The following GRAMD4 variants were observed in gnomAD, a reference collection of about 807,000 sequenced individuals.
GRAMD4 encodes the protein GRAM domain-containing protein 4.
GRAMD4 carries 25 observed loss-of-function variants against 83.9 expected under a neutral mutation model. The observed-to-expected ratio is 0.30, with a 90% CI of 0.22 to 0.42. GRAMD4 has a LOEUF of 0.42. Ranked by LOEUF, GRAMD4 falls within the 10% of genes least tolerant of loss-of-function variation. GRAMD4 has a pLI of 1.00. For synonymous variants in GRAMD4, 336 were observed against 320.9 expected (o/e 1.05, Z -0.50); for missense variants, 593 against 788.7 (o/e 0.75, Z 2.97).
intron 1 of GRAMD4, among the ~76,000 whole-genome samples, chr22:46,593,246 C>T (rs1301876507): frequency 6.6e-6 from 1 of 152,080 alleles, no homozygotes; most frequent in African/African-American, 2.4e-5. Context: ...GATGAACCAT[C>T]ACGGGATTCT....
At chr22:46,587,734 C>T (rs912716496) in intron 1 of GRAMD4, among the ~76,000 whole-genome samples, 3 of 152,030 alleles carry the variant, frequency 2.0e-5, no homozygotes, top group African/African-American at 7.2e-5. Context: ...GAGGCACTGG[C>T]CCGAGGTAGG....
intron 3 of GRAMD4, among the ~76,000 whole-genome samples, chr22:46,645,854 G>A (rs992346955): frequency 2.6e-5 from 4 of 152,196 alleles, no homozygotes; most frequent in African/African-American, 4.8e-5. Flanking sequence ...TTTTGAGCGC[G>A]GTTGCCGTGC....
At chr22:46,587,754 G>A (rs1047053269) in intron 1 of GRAMD4, among the ~76,000 whole-genome samples, 1 of 152,078 alleles carries the variant, frequency 6.6e-6, no homozygotes, top group Non-Finnish European at 1.5e-5. Context: ...GGTTGAAACA[G>A]GTGGAACTGA....
Position 46,637,945 on chromosome 22 carries a change from G to A in GRAMD4, c.268G>A (p.Glu90Lys). The A allele has an allele frequency of 6.2e-7, 1 of 1,613,942 alleles. No homozygotes were observed. The highest frequency in any genetic ancestry group is 1.1e-5 in the South Asian group (1 of 91,076). ...AGGTCACCTGGAAATTGCCTTATTGGAAAAACATTTCTTACGTGAGTACCA... is the reference window on the plus strand; with the variant it reads ...AGGTCACCTGGAAATTGCCTTATTGAAAAAACATTTCTTACGTGAGTACCA... ...IKGHLEIALL[E>K]KHFLQEELRK... Residue 90 changes from glutamate (E) to lysine (K), a missense_variant, in exon 3 of 19, where the codon GAA becomes AAA. Transcript: ENST00000406902.
rs575449026 is a variant in GRAMD4, at chr22:46,637,666, C to T, written c.163-174C>T. 1.7e-3 allele frequency among the ~76,000 whole-genome samples: 266 copies of T among 152,310 alleles called. 1 individual carries two copies. The highest frequency in any genetic ancestry group is 2.7e-3 in the Non-Finnish European group (183 of 68,022). ...GACACGGGTCTTATGCTGGGGGCTC[C>T]GTCGCCCCATCTGACTGCTGCGTCG... On this transcript the variant is annotated intron_variant, in intron 2 of 18. Coordinates refer to ENST00000406902, the MANE Select transcript of GRAMD4 (RefSeq NM_015124.5).
At chr22:46,631,994 A>G (rs1160290712) in intron 2 of GRAMD4, among the ~76,000 whole-genome samples, 2 of 151,906 alleles carry the variant, frequency 1.3e-5, no homozygotes, top group Non-Finnish European at 2.9e-5. Context: ...GGGACCGGGG[A>G]TGGGTAGACC....
chr22:46,595,924 G>A (rs71313059), intron 1 of GRAMD4, among the ~76,000 whole-genome samples: 2 of 151,904 alleles, frequency 1.3e-5, no homozygotes, highest in East Asian at 1.9e-4. Flanking sequence ...GTGCACAGGA[G>A]GAGTGGGAGC....
intron 16 of GRAMD4, among the ~76,000 whole-genome samples, 164 bp downstream of exon 16, chr22:46,674,914 GTGT>G (rs2082571885): frequency 1.3e-5 from 2 of 152,376 alleles, no homozygotes; most frequent in African/African-American, 4.8e-5. Context: ...CAGGGAAAAG[GTGT>G]TGTCTCCAAG....
intron 1 of GRAMD4, among the ~76,000 whole-genome samples, chr22:46,603,054 T>C (rs2081327184): frequency 6.6e-6 from 1 of 152,026 alleles, no homozygotes; most frequent in Admixed American, 6.6e-5. Flanking sequence ...TGTCCATTTT[T>C]CTATTGAAAT....
At chr22:46,602,021 C>T (rs946391148) in intron 1 of GRAMD4, among the ~76,000 whole-genome samples, 2 of 152,318 alleles carry the variant, frequency 1.3e-5, no homozygotes, top group African/African-American at 4.8e-5. Context: ...TCCATAGACA[C>T]ATGGCCAGGC....
chr22:46,595,314 C>A (rs1174410419), intron 1 of GRAMD4, among the ~76,000 whole-genome samples: 1 of 152,198 alleles, frequency 6.6e-6, no homozygotes, highest in Non-Finnish European at 1.5e-5. Flanking sequence ...GCCACTGGGA[C>A]TGGTGTTTCA....
At chr22:46,620,178 C>CTG (rs1280477587), upstream of GRAMD4, 17 of 300,850 alleles carry the variant, frequency 5.7e-5, no homozygotes, top group Non-Finnish European at 8.3e-5. This position sits in a 1 kb window ranked among gnomAD's most constrained non-coding sequence, Gnocchi z 4.7. Context: ...GTTTCTGAGT[C>CTG]CAGGGTTCCC....
At chr22:46,579,883 T>G (rs2081080415) in intron 1 of GRAMD4, among the ~76,000 whole-genome samples, 1 of 152,262 alleles carries the variant, frequency 6.6e-6, no homozygotes, top group African/African-American at 2.4e-5. Flanking sequence ...GTTTGGGGTC[T>G]CCTGCCTAGT....
At chr22:46,603,023 G>A (rs550396258) in intron 1 of GRAMD4, among the ~76,000 whole-genome samples, 1 of 152,022 alleles carries the variant, frequency 6.6e-6, no homozygotes, top group Admixed American at 6.5e-5. Context: ...TTACAGGTGT[G>A]AGCCACCACA....
At chr22:46,582,575 C>T (rs1301642330) in intron 1 of GRAMD4, among the ~76,000 whole-genome samples, 3 of 152,182 alleles carry the variant, frequency 2.0e-5, no homozygotes, top group African/African-American at 7.2e-5. Context: ...GTCCAGCGAC[C>T]TGGAGCGGCA....
At chr22:46,640,831 C>T (rs1205256429) in intron 3 of GRAMD4, among the ~76,000 whole-genome samples, 1 of 151,394 alleles carries the variant, frequency 6.6e-6, no homozygotes, top group Admixed American at 6.6e-5. Flanking sequence ...GGCCCCCCGC[C>T]CCCCGCCGAG....
intron 3 of GRAMD4, among the ~76,000 whole-genome samples, chr22:46,644,721 T>G (rs865788623): frequency 0.046 from 4,635 of 100,958 alleles, 420 homozygotes; most frequent in African/African-American, 0.14. Context: ...TTTTTTTTTT[T>G]TTTTTTTTTT....
At chr22:46,605,433 C>CAA (rs2081355638) in intron 1 of GRAMD4, among the ~76,000 whole-genome samples, 1 of 152,260 alleles carries the variant, frequency 6.6e-6, no homozygotes, top group Admixed American at 6.5e-5. Context: ...AATATCTCTT[C>CAA]AAGACCTTGC....
chr22:46,650,904 T>C (rs1418708139), intron 3 of GRAMD4, among the ~76,000 whole-genome samples: 1 of 152,216 alleles, frequency 6.6e-6, no homozygotes, highest in Non-Finnish European at 1.5e-5. Flanking sequence ...GCAAGACGCC[T>C]GTGGGTCTGA....
Sources: allele counts gnomAD v4.1 joint callset (sites outside exome capture counted in the v4.1 genomes callset), GRCh38; gene constraint gnomAD v4.1.1; non-coding constraint Gnocchi (gnomAD v3.1); transcripts MANE v1.5; gene names NCBI Gene and HGNC (gene_info 2026-07-23, HGNC 2026-07-21).